The following CA1 variants were observed in gnomAD, a reference collection of about 807,000 sequenced individuals.
The protein encoded by CA1 is carbonic anhydrase 1.
CA1 carries 27 observed loss-of-function variants against 28.8 expected under a neutral mutation model. That is an observed-to-expected ratio of 0.94 (90% confidence interval 0.69 to 1.29). CA1 has a LOEUF of 1.29. Among genes scored for constraint, CA1 ranks in the 50% most tolerant of loss-of-function variants. CA1 has a pLI of 0.00. For missense variants in CA1, 335 were observed against 310.5 expected, an observed-to-expected ratio of 1.08 and a Z score of -0.59; for synonymous variants, 121 against 108.8, an observed-to-expected ratio of 1.11 and a Z score of -0.70.
intron 1 of CA1, among the ~76,000 whole-genome samples, chr8:85,362,540 G>C (rs886763658): frequency 3.3e-5 from 5 of 152,110 alleles, no homozygotes; most frequent in African/African-American, 7.2e-5. Context: ...GGGTGTAATT[G>C]AATTGGCATA....
chr8:85,328,443 G>A lies in CA1; in HGVS notation c.*117C>T, dbSNP rs1808257925. ...TCTTAGTTTTACAGATTGATTTGAAGGCATGCTGTCTTGCTAATATTGAAA... is the reference window on the plus strand; with the variant it reads ...TCTTAGTTTTACAGATTGATTTGAAAGCATGCTGTCTTGCTAATATTGAAA... On this transcript the variant is annotated 3_prime_UTR_variant, in exon 8 of 8. Coordinates refer to ENST00000523022, the MANE Select transcript of CA1 (RefSeq NM_001128831.4). 4 of 650,508 alleles carry A rather than the reference G, an allele frequency of 6.1e-6. No individual in the cohort carries two copies. The highest frequency in any genetic ancestry group is 4.6e-5 in the Admixed American group (2 of 43,062). The allele number at this position is 650,508 out of a possible 1,614,324, so 40.3% of individuals were successfully genotyped here.
intron 1 of CA1, among the ~76,000 whole-genome samples, chr8:85,362,097 C>A (rs1386153970): frequency 2.6e-5 from 4 of 152,170 alleles, no homozygotes; most frequent in African/African-American, 9.7e-5. Flanking sequence ...CCTTCTCAGT[C>A]TCTGGGAAGA....
At chr8:85,337,369 G>A (rs1808705550) in intron 3 of CA1, among the ~76,000 whole-genome samples, 1 of 152,118 alleles carries the variant, frequency 6.6e-6, no homozygotes, top group Non-Finnish European at 1.5e-5. Context: ...TATCATTACA[G>A]GGCTGTCCTT....
intron 6 of CA1, among the ~76,000 whole-genome samples, chr8:85,331,982 A>T (rs1808426438): frequency 6.6e-6 from 1 of 152,164 alleles, no homozygotes; most frequent in South Asian, 2.1e-4. Context: ...GCTGCAAAAC[A>T]TGACAAATCT....
chr8:85,338,186 G>T (rs1446946480), intron 3 of CA1, 66 bp downstream of exon 3: 1 of 1,266,186 alleles, frequency 7.9e-7, no homozygotes, highest in Non-Finnish European at 1.2e-6. Flanking sequence ...TATTTCTCGA[G>T]CACTATTTTT....
chr8:85,349,965 T>A (rs1486152379), intron 1 of CA1: 1 of 152,216 alleles, frequency 6.6e-6, no homozygotes, highest in African/African-American at 2.4e-5. Flanking sequence ...CCTGTCCTCT[T>A]ACCTGAAGGC....
intron 1 of CA1, among the ~76,000 whole-genome samples, chr8:85,370,446 T>C (rs1412449114): frequency 6.6e-6 from 1 of 152,200 alleles, no homozygotes; most frequent in Non-Finnish European, 1.5e-5. Context: ...AAAAAACTTT[T>C]AAAATCTTCT....
chr8:85,338,448 A>G lies in CA1; in HGVS notation c.39T>C (p.Gly13=), dbSNP rs777306238. Residue 13 remains glycine (G), a splice_region_variant and synonymous_variant, in exon 3 of 8, where the codon GGT becomes GGC. Coordinates refer to ENST00000523022, the MANE Select transcript of CA1 (RefSeq NM_001128831.4). The stretch of plus-strand genomic sequence containing the variant: ...GATACAGCTTGCTCCATTGTTCAGG[A>G]CCTACCAGGACAAACACGTGTAAAA... ...SPDWGYDDKN[G]PEQWSKLYPI... 6.2e-7 allele frequency: 1 copy of G among 1,613,054 alleles called. No individual in the cohort carries two copies. The highest frequency in any genetic ancestry group is 1.7e-5 in the Admixed American group (1 of 60,006).
chr8:85,352,666 A>ATT (rs571013802), intron 1 of CA1, among the ~76,000 whole-genome samples: 17 of 126,088 alleles, frequency 1.3e-4, no homozygotes, highest in African/African-American at 2.7e-4. Context: ...CCTCAGCTCC[A>ATT]TTTTTTTTTT....
At chr8:85,330,115 CA>C (rs1297348473) in intron 6 of CA1, among the ~76,000 whole-genome samples, 2 of 152,008 alleles carry the variant, frequency 1.3e-5, no homozygotes, top group African/African-American at 2.4e-5. Context: ...AGCAAAGATT[CA>C]AAAATCTTTT....
chr8:85,337,178 G>A (rs1311847510), intron 3 of CA1, 115 bp from the exon 4 acceptor site: 5 of 747,032 alleles, frequency 6.7e-6, no homozygotes, highest in Admixed American at 3.6e-5. Context: ...ACAAACATTA[G>A]TGCCTAAACT....
intron 1 of CA1, among the ~76,000 whole-genome samples, chr8:85,344,205 TATAATATAATTATATTATATACAG>T (rs1809051567): frequency 9.0e-6 from 1 of 111,142 alleles, no homozygotes; most frequent in Non-Finnish European, 1.6e-5. Context: ...TTATACAGTA[TATAATATAATTATATTATATACAG>T]TATATAATAT....
rs1041241426 is a variant in CA1 at position 85,337,997 on chromosome 8, A to G, written c.235+255T>C. 23 of 622,858 alleles carry G rather than the reference A, an allele frequency of 3.7e-5. 1 individual carries two copies. The Admixed American group carries it at 4.1e-4, about 11-fold the overall frequency. The allele number at this position is 622,858 out of a possible 1,614,324, so 38.6% of individuals were successfully genotyped here. ...TATTCAGAGACAGTGAAGTGAGCATACAGATACTGGAATGACGAGAAGAGA... is the reference window on the plus strand; with the variant it reads ...TATTCAGAGACAGTGAAGTGAGCATGCAGATACTGGAATGACGAGAAGAGA... On this transcript the variant is annotated intron_variant, in intron 3 of 7. Coordinates refer to ENST00000523022, the MANE Select transcript of CA1 (RefSeq NM_001128831.4).
chr8:85,334,759 G>A lies in CA1; in HGVS notation c.355-1139C>T, dbSNP rs190823009. Among the ~76,000 whole-genome samples the A allele has an allele frequency of 4.2e-3, 642 of 152,082 alleles. 26 individuals are homozygous for A. The highest frequency in any genetic ancestry group is 0.038 in the Admixed American group (582 of 15,274). The stretch of plus-strand genomic sequence containing the variant: ...TGTAATTCCAGCACTTTGGGAGGCC[G>A]AGGCGGGCGGATCACGAGGTCAGGA... On this transcript the variant is annotated intron_variant, in intron 4 of 7. Transcript: ENST00000523022.
intron 1 of CA1, among the ~76,000 whole-genome samples, chr8:85,345,933 T>C (rs1262692370): frequency 6.6e-6 from 1 of 152,176 alleles, no homozygotes; most frequent in Non-Finnish European, 1.5e-5. Flanking sequence ...TTTTGACATA[T>C]AAATTTCAAA....
intron 1 of CA1, among the ~76,000 whole-genome samples, chr8:85,376,300 A>G (rs1396846283): frequency 6.6e-6 from 1 of 152,200 alleles, no homozygotes; most frequent in African/African-American, 2.4e-5. Context: ...ACTACACTCC[A>G]GCCTGGGTGA....
At chr8:85,342,910 C>G (rs1808985043) in intron 1 of CA1, 1 of 152,068 alleles carries the variant, frequency 6.6e-6, no homozygotes, top group Non-Finnish European at 1.5e-5. Context: ...AGTGATGGTT[C>G]GTTGTCTCAT....
At chr8:85,346,591 G>A (rs367986632) in intron 1 of CA1, among the ~76,000 whole-genome samples, 14 of 151,854 alleles carry the variant, frequency 9.2e-5, no homozygotes, top group Non-Finnish European at 5.9e-5. Flanking sequence ...ATGAAACCCC[G>A]TCTCTACTAA....
chr8:85,347,879 G>A (rs1809261811), intron 1 of CA1, among the ~76,000 whole-genome samples: 1 of 152,138 alleles, frequency 6.6e-6, no homozygotes, highest in Non-Finnish European at 1.5e-5. Flanking sequence ...GGCGGGTCCT[G>A]ATTAGGACAC....
Sources: allele counts gnomAD v4.1 joint callset (sites outside exome capture counted in the v4.1 genomes callset), GRCh38; gene constraint gnomAD v4.1.1; transcripts MANE v1.5; gene names NCBI Gene and HGNC (gene_info 2026-07-23, HGNC 2026-07-21).